TRMO: variants seen among roughly 807,000 people sequenced by gnomAD.
The protein encoded by TRMO is tRNA (adenine(37)-N6)-methyltransferase.
A neutral mutation model predicts 37.2 loss-of-function variants in TRMO; 30 were observed. The ratio of observed to expected loss-of-function variants is 0.81; its 90% CI spans 0.60 to 1.09. The LOEUF is 1.09. Among genes scored for constraint, TRMO ranks in the 50% least tolerant of loss-of-function variants. The pLI is 0.00. For missense variants in TRMO, 552 were observed against 549.5 expected, an observed-to-expected ratio of 1.00 and a Z score of -0.05; for synonymous variants, 239 against 199.4, an observed-to-expected ratio of 1.20 and a Z score of -1.67.
At chr9:97,904,046 C>T (rs1825751089), downstream of TRMO, among the ~76,000 whole-genome samples, 1 of 152,222 alleles carries the variant, frequency 6.6e-6, no homozygotes, top group African/African-American at 2.4e-5. Flanking sequence ...CACGCCACTG[C>T]ACTCCAGCCT....
At position 97,909,972 on chromosome 9, in the gene TRMO, G is replaced by GC; in HGVS notation, c.1053dup (p.Leu352AlafsTer12). On this transcript the variant is annotated frameshift_variant, in exon 4 of 5. Coordinates refer to ENST00000375119, the MANE Select transcript of TRMO (RefSeq NM_016481.5). LOFTEE classifies it high-confidence loss of function. Reference sequence around the variant, plus strand: ...AAACTGAAGATACCTTGTGAACTGAGCTGCCCAAGGTCCATCTCGGCATGA... The same window carrying GC: ...AAACTGAAGATACCTTGTGAACTGAGCCTGCCCAAGGTCCATCTCGGCATGA... The GC allele has an allele frequency of 6.5e-7, 1 of 1,535,040 alleles. No homozygotes were observed. The highest frequency in any genetic ancestry group is 8.8e-7 in the Non-Finnish European group (1 of 1,142,072).
intron 1 of TRMO, among the ~76,000 whole-genome samples, chr9:97,919,028 T>C (rs1038142004): frequency 6.6e-6 from 1 of 152,236 alleles, no homozygotes; most frequent in Non-Finnish European, 1.5e-5. Flanking sequence ...TCTCTCAATA[T>C]TATGAGGCTA....
chr9:97,919,885 CT>C (rs1826545685), intron 1 of TRMO, among the ~76,000 whole-genome samples: 24 of 152,180 alleles, frequency 1.6e-4, no homozygotes, highest in Admixed American at 1.6e-3. Context: ...TCAAGAGCTA[CT>C]TTGAAAGAGT....
In TRMO at chr9:97,922,289, C is replaced by T. The variant is rs112666995; in HGVS notation, c.76+129G>A. 3.6e-4 allele frequency: 246 copies of T among 675,540 alleles called. 1 individual carries two copies. The Middle Eastern group carries it at 5.7e-3, about 16-fold the overall frequency. 41.8% of individuals were successfully genotyped at this position (675,540 alleles called of 1,614,324 possible). A position where few individuals can be genotyped will look rare whatever the true frequency, so the allele number is the denominator to read the frequency against. On this transcript the variant is annotated intron_variant, in intron 1 of 4. Coordinates refer to ENST00000375119, the MANE Select transcript of TRMO (RefSeq NM_016481.5). The stretch of plus-strand genomic sequence containing the variant: ...GGTCTCCGCAGCACGTGACCCGTGC[C>T]TTCGCCGTAGGTAAAAGAATGACGC...
chr9:97,910,761 C>T lies in TRMO; in HGVS notation c.410-145G>A, dbSNP rs1826088473. The T allele has an allele frequency of 5.5e-6, 5 of 903,002 alleles. No individual in the cohort carries two copies. In the Admixed American group the frequency reaches 1.3e-4, roughly 24 times the overall value. The allele number at this position is 903,002 out of a possible 1,614,324, so 55.9% of individuals were successfully genotyped here. The stretch of plus-strand genomic sequence containing the variant: ...ACACAGACCTAGTACCAACACACAC[C>T]CTTCTTGCTACCTGGTAGCCCATCC... On this transcript the variant is annotated intron_variant, in intron 3 of 4. Coordinates refer to ENST00000375119, the MANE Select transcript of TRMO (RefSeq NM_016481.5).
chr9:97,918,094 A>G (rs1826455573), intron 1 of TRMO, among the ~76,000 whole-genome samples: 1 of 151,486 alleles, frequency 6.6e-6, no homozygotes, highest in Admixed American at 6.6e-5. Context: ...AATAATCACA[A>G]ATTAGGCCAG....
At chr9:97,901,643 T>G (rs962968769), downstream of TRMO, among the ~76,000 whole-genome samples, 2 of 152,056 alleles carry the variant, frequency 1.3e-5, no homozygotes, top group African/African-American at 4.8e-5. Flanking sequence ...TAAAACCACT[T>G]GATGGAAGGT....
At chr9:97,921,612 G>C (rs951744576) in intron 1 of TRMO, among the ~76,000 whole-genome samples, 2 of 151,968 alleles carry the variant, frequency 1.3e-5, no homozygotes, top group Non-Finnish European at 2.9e-5. Context: ...TTTTAGTAGA[G>C]ACGAGGTTTC....
chr9:97,913,295 A>G, intron 3 of TRMO, 106 bp downstream of exon 3: 1 of 1,298,452 alleles, frequency 7.7e-7, no homozygotes, highest in Non-Finnish European at 1.1e-6. Context: ...TCAGGAGTTA[A>G]CATCATTGGT....
chr9:97,921,615 G>C (rs1229410723), intron 1 of TRMO, among the ~76,000 whole-genome samples: 1 of 151,872 alleles, frequency 6.6e-6, no homozygotes, highest in Non-Finnish European at 1.5e-5. Flanking sequence ...TAGTAGAGAC[G>C]AGGTTTCACC....
chr9:97,922,122 C>G (rs1365980724), intron 1 of TRMO, among the ~76,000 whole-genome samples: 5 of 152,134 alleles, frequency 3.3e-5, no homozygotes, highest in Non-Finnish European at 7.3e-5. Context: ...TACGCTATGG[C>G]AAGGAAACCC....
chr9:97,913,305 T>C, intron 3 of TRMO, 96 bp downstream of exon 3: 1 of 1,418,446 alleles, frequency 7.0e-7, no homozygotes, highest in Non-Finnish European at 9.9e-7. Context: ...ACATCATTGG[T>C]ACTCGTCTGA....
Position 97,910,165 on chromosome 9 carries a change from CTT to C in TRMO, c.859_860del (p.Lys287GlufsTer31), listed in dbSNP as rs773183966. 6.2e-7 allele frequency: 1 copy of C among 1,614,202 alleles called. No homozygotes were observed. Among genetic ancestry groups the C allele is most frequent in the Non-Finnish European group, 8.5e-7 (1 of 1,180,034 alleles). On this transcript the variant is annotated frameshift_variant, in exon 4 of 5. Coordinates refer to ENST00000375119, the MANE Select transcript of TRMO (RefSeq NM_016481.5). LOFTEE classifies it high-confidence loss of function. ...CTGCTCCTTCCACTCTTTCTAGCTT[CTT>C]GTCTGTACCTTTCTCTGAAAAGCTC... Reference protein sequence around the residue: ...EKSFSEKGTDKKLERVEGAAV... With the variant: ...EKSFSEKGTDXKLERVEGAAV...
At chr9:97,901,866 A>T (rs1831176768), downstream of TRMO, among the ~76,000 whole-genome samples, 1 of 152,140 alleles carries the variant, frequency 6.6e-6, no homozygotes, top group African/African-American at 2.4e-5. Context: ...TGAGGGATGG[A>T]AGTTCACCAA....
At chr9:97,908,408 T>C (rs1825960111) in intron 4 of TRMO, among the ~76,000 whole-genome samples, 2 of 74,118 alleles carry the variant, frequency 2.7e-5, no homozygotes, top group African/African-American at 8.0e-5. Context: ...CGAGACTCCG[T>C]CTCAAAAAAA....
intron 2 of TRMO, chr9:97,915,822 T>C (rs1214215035): frequency 5.7e-6 from 1 of 173,980 alleles, no homozygotes; most frequent in Admixed American, 6.3e-5. Flanking sequence ...AAAAAAGCCA[T>C]GCAAAAGATG....
chr9:97,916,726 G>A (rs1011922271), intron 1 of TRMO, among the ~76,000 whole-genome samples: 22 of 117,920 alleles, frequency 1.9e-4, no homozygotes, highest in African/African-American at 6.4e-4. Context: ...TTTTTTTTGA[G>A]ATGGAGTCTC....
At chr9:97,913,112 A>G (rs1826201072) in intron 3 of TRMO, 1 of 463,630 alleles carries the variant, frequency 2.2e-6, no homozygotes, top group East Asian at 5.4e-5. Context: ...AGTCAGAGAA[A>G]CTTTGGTTAC....
Position 97,905,005 on chromosome 9 carries a change from A to G in TRMO, c.1067-13T>C. On this transcript the variant is annotated splice_polypyrimidine_tract_variant and intron_variant, in intron 4 of 4. Coordinates refer to ENST00000375119, the MANE Select transcript of TRMO (RefSeq NM_016481.5). ...GCCTGACCAACATCTGCAATGAAAA[A>G]AACACAACTTAATGAGCACTATCAT... 1 of 1,609,942 alleles carries G rather than the reference A, an allele frequency of 6.2e-7. No individual in the cohort carries two copies.
Sources: gnomAD v4.1 joint callset for allele counts (sites outside exome capture counted in the v4.1 genomes callset) on GRCh38, gnomAD v4.1.1 for gene constraint, MANE v1.5 for transcripts, NCBI Gene and HGNC (gene_info 2026-07-23, HGNC 2026-07-21) for gene names.